The following KANSL3 variants were observed in gnomAD, a reference collection of about 807,000 sequenced individuals.
The protein encoded by KANSL3 is KAT8 regulatory NSL complex subunit 3.
Under a neutral mutation model 89.2 loss-of-function variants are expected in KANSL3, and 16 were observed. The ratio of observed to expected loss-of-function variants is 0.18; its 90% confidence interval spans 0.12 to 0.27. KANSL3 has a LOEUF of 0.27. Ranked by LOEUF, KANSL3 falls within the 10% of genes least tolerant of loss-of-function variation. The pLI is 1.00. For synonymous variants in KANSL3, 385 were observed against 419.7 expected (o/e 0.92, Z 1.01); for missense variants, 879 against 1,110.6 (o/e 0.79, Z 2.96).
intron 2 of KANSL3, among the ~76,000 whole-genome samples, chr2:96,635,671 A>T (rs1001924214): frequency 6.6e-6 from 1 of 152,224 alleles, no homozygotes; most frequent in African/African-American, 2.4e-5. Flanking sequence ...AATGAAATAA[A>T]AGACACTATT....
Position 96,604,318 on chromosome 2 carries a change from G to T in KANSL3, c.2081C>A (p.Thr694Asn). The change falls in exon 17 of 21, where the codon ACT (threonine) becomes AAT (asparagine). Residue 694 changes from threonine (T) to asparagine (N), a missense_variant. By Grantham distance (65) the Thr-to-Asn change is moderately conservative. Coordinates refer to ENST00000431828, the MANE Select transcript of KANSL3 (RefSeq NM_001115016.3). The stretch of plus-strand genomic sequence containing the variant: ...CAGTGTGTGCAAGGCACTGGGTGCA[G>T]TGCTGCTGGAGACCACTGAAGGGAC... ...SPVPSVVSSS[T>N]APSALHTLQS... is the part of the protein sequence containing the mutation. The T allele has an allele frequency of 6.2e-7, 1 of 1,613,482 alleles. No individual in the cohort carries two copies. Among genetic ancestry groups the T allele is most frequent in the Non-Finnish European group, 8.5e-7 (1 of 1,179,870 alleles).
intron 7 of KANSL3, 78 bp from the exon 8 acceptor site, chr2:96,612,641 C>G: frequency 7.6e-7 from 1 of 1,323,214 alleles, no homozygotes; most frequent in Non-Finnish European, 1.1e-6. Context: ...AACCTAAACC[C>G]AAAACCTTGG....
At position 96,608,905 on chromosome 2, in the gene KANSL3, A is replaced by G. The variant is rs975844101; in HGVS notation, c.1543T>C (p.Ser515Pro). ...EVPERGSRPASPAAKLPASPS... is the reference protein window; with the variant it reads ...EVPERGSRPAPPAAKLPASPS... ...GAGGCGGGCAGCTTGGCAGCTGGGG[A>G]GGCAGGTCGACTGCCCCGCTCAGGG... is the stretch of plus-strand genomic sequence containing the variant. Residue 515 changes from serine to proline, a missense_variant, in exon 13 of 21, where the codon TCC becomes CCC. Physicochemically the swap from Ser to Pro is moderately conservative, Grantham distance 74 (BLOSUM62 -1). Around this residue, in one of 6 missense-constraint regions of KANSL3, gnomAD observed 317 missense variants for 311.2 expected, o/e 1.02. Coordinates refer to ENST00000431828, the MANE Select transcript of KANSL3 (RefSeq NM_001115016.3). The G allele has an allele frequency of 1.3e-6, 2 of 1,572,786 alleles. No homozygotes were observed. The highest frequency in any genetic ancestry group is 1.7e-6 in the Non-Finnish European group (2 of 1,159,536).
chr2:96,604,408 T>C (rs2067653594), intron 16 of KANSL3, 28 bp from the exon 17 acceptor site: 1 of 1,603,540 alleles, frequency 6.2e-7, no homozygotes, highest in South Asian at 1.1e-5. Context: ...AGCTCTGTTA[T>C]CCAAAGGTCA....
intron 18 of KANSL3, 131 bp from the exon 19 acceptor site, chr2:96,602,469 G>A: frequency 2.9e-6 from 2 of 700,222 alleles, no homozygotes; most frequent in Non-Finnish European, 4.9e-6. Flanking sequence ...TACTCTTCCA[G>A]GCATTTTGCA....
the KANSL3 span, among the ~76,000 whole-genome samples, chr2:96,585,606 C>A: frequency 6.6e-6 from 1 of 152,164 alleles, no homozygotes; most frequent in Non-Finnish European, 1.5e-5. Context: ...AGCAATCCCA[C>A]TACTGGGTAT....
chr2:96,637,446 A>G (rs1014606779), intron 1 of KANSL3, among the ~76,000 whole-genome samples: 8 of 152,234 alleles, frequency 5.3e-5, no homozygotes, highest in African/African-American at 1.9e-4. Context: ...ACCGACCCCA[A>G]GGTTCAGAAA....
Position 96,594,733 on chromosome 2 carries a change from G to C in KANSL3, c.*878C>G, listed in dbSNP as rs1185009374. 1.3e-5 allele frequency: 2 copies of C among 152,258 alleles called. No homozygotes were observed. The highest frequency in any genetic ancestry group is 4.8e-5 in the African/African-American group (2 of 41,440). 9.4% of individuals were successfully genotyped at this position (152,258 alleles called of 1,614,324 possible). ...TCTCCAGCTGAACCACCAGTTCCTT[G>C]GGTAGCAGAGCAGAGACCTAAGCAC... On this transcript the variant is annotated 3_prime_UTR_variant, in exon 21 of 21. Transcript: ENST00000431828.
intron 2 of KANSL3, among the ~76,000 whole-genome samples, chr2:96,632,111 T>C (rs1341988636): frequency 1.3e-5 from 2 of 151,906 alleles, no homozygotes; most frequent in African/African-American, 4.8e-5. Context: ...TCCCAGCACT[T>C]GGGAGGCTGA....
At chr2:96,602,721 C>A in intron 18 of KANSL3, 32 bp downstream of exon 18, 1 of 1,544,870 alleles carries the variant, frequency 6.5e-7, no homozygotes, top group South Asian at 1.3e-5. Flanking sequence ...CCTCCCTACA[C>A]CTGCCCAGCC....
At chr2:96,582,353 G>C in the KANSL3 span, among the ~76,000 whole-genome samples, 1 of 151,892 alleles carries the variant, frequency 6.6e-6, no homozygotes, top group Admixed American at 6.6e-5. Flanking sequence ...AGTGGAGATA[G>C]TGCCACTGCA....
At chr2:96,617,491 G>A (rs1301328588) in intron 5 of KANSL3, among the ~76,000 whole-genome samples, 5 of 151,452 alleles carry the variant, frequency 3.3e-5, no homozygotes, top group African/African-American at 1.2e-4. Context: ...CTGAGGGAAC[G>A]TGTTGGCCAG....
chr2:96,597,148 T>A (rs1265284663), intron 20 of KANSL3, among the ~76,000 whole-genome samples: 1 of 152,224 alleles, frequency 6.6e-6, no homozygotes, highest in African/African-American at 2.4e-5. Context: ...AAAAAATGAC[T>A]GTTTTAAAAT....
At chr2:96,620,930 A>C (rs762696661) in intron 3 of KANSL3, among the ~76,000 whole-genome samples, 1 of 152,124 alleles carries the variant, frequency 6.6e-6, no homozygotes, top group East Asian at 1.9e-4. Flanking sequence ...TGAGCCCAGG[A>C]GGTTGAGGCT....
intron 20 of KANSL3, among the ~76,000 whole-genome samples, chr2:96,600,081 G>A (rs990399487): frequency 6.6e-6 from 1 of 152,170 alleles, no homozygotes; most frequent in Non-Finnish European, 1.5e-5. Context: ...AGAAGGTGGT[G>A]AAATACATCT....
rs1573233645 is a variant in KANSL3 at position 96,595,350 on chromosome 2, C to T, written c.*261G>A. On this transcript the variant is annotated 3_prime_UTR_variant, in exon 21 of 21. Transcript: ENST00000431828. ...AAGCGGGGGAAGAAGTGGTTCTGAT[C>T]CATGTACAGCCAGATCTGCTGAGGA... The T allele has an allele frequency of 4.3e-6, 2 of 467,182 alleles. No individual in the cohort carries two copies. Among genetic ancestry groups the T allele is most frequent in the East Asian group, 7.1e-5 (2 of 28,330 alleles). The allele number at this position is 467,182 out of a possible 1,614,324, so 28.9% of individuals were successfully genotyped here.
the KANSL3 span, among the ~76,000 whole-genome samples, chr2:96,581,393 C>A: frequency 6.6e-6 from 1 of 150,430 alleles, no homozygotes; most frequent in Non-Finnish European, 1.5e-5. Flanking sequence ...CACTGTACTC[C>A]AGCCTGGGCG....
At position 96,602,866 on chromosome 2, in the gene KANSL3, A is replaced by T. The variant is rs1229222429; in HGVS notation, c.2150-4T>A. Reference sequence around the variant, plus strand: ...AGGCTGCTGGCTGATGTGGCCCCTAAGAGAGGACATAGCAGGAATCAGTAG... The same window carrying T: ...AGGCTGCTGGCTGATGTGGCCCCTATGAGAGGACATAGCAGGAATCAGTAG... On this transcript the variant is annotated splice_polypyrimidine_tract_variant and splice_region_variant and intron_variant, in intron 17 of 20. Coordinates refer to ENST00000431828, the MANE Select transcript of KANSL3 (RefSeq NM_001115016.3). 9.3e-6 allele frequency: 15 copies of T among 1,613,434 alleles called. No individual in the cohort carries two copies. Among genetic ancestry groups the T allele is most frequent in the Non-Finnish European group, 1.2e-5 (14 of 1,179,610 alleles).
chr2:96,602,701 G>T, intron 18 of KANSL3, 52 bp downstream of exon 18: 1 of 1,442,118 alleles, frequency 6.9e-7, no homozygotes, highest in South Asian at 1.3e-5. Context: ...CAACTAAGCT[G>T]AGGAGGCCTC....
Sources: gnomAD v4.1 joint callset for allele counts (sites outside exome capture counted in the v4.1 genomes callset) on GRCh38, gnomAD v4.1.1 for gene constraint, gnomAD v4.1.1 regional missense constraint, MANE v1.5 for transcripts, NCBI Gene and HGNC (gene_info 2026-07-23, HGNC 2026-07-21) for gene names.